The following CCN4 variants were observed in gnomAD, a reference collection of about 807,000 sequenced individuals.
CCN4 encodes the protein CCN family member 4.
Under a neutral mutation model 36.7 loss-of-function variants are expected in CCN4, and 30 were observed. The ratio of observed to expected loss-of-function variants is 0.82; its 90% CI spans 0.61 to 1.11. The LOEUF is 1.11. CCN4 is among the 50% of genes least tolerant of loss of function. The pLI, the probability that CCN4 is intolerant of heterozygous loss-of-function variation, is 0.00. For missense variants in CCN4, 505 were observed against 504.9 expected (o/e 1.00, Z 0.00); for synonymous variants, 191 against 195.4 (o/e 0.98, Z 0.19).
chr8:133,222,133 A>AGGAT (rs1052083578), intron 3 of CCN4, among the ~76,000 whole-genome samples: 1 of 151,176 alleles, frequency 6.6e-6, no homozygotes, highest in Admixed American at 6.6e-5. Context: ...GGATGGATGG[A>AGGAT]GGATGGATGG....
At position 133,225,488 on chromosome 8, in the gene CCN4, C is replaced by T. The variant is rs781544299; in HGVS notation, c.709C>T (p.Arg237Trp). The T allele has an allele frequency of 3.3e-5, 54 of 1,613,968 alleles. No individual in the cohort carries two copies. Among genetic ancestry groups the T allele is most frequent in the Non-Finnish European group, 4.4e-5 (52 of 1,179,994 alleles). ...STSCGLGVST[R>W]ISNVNAQCWP... ...CAGCTGCGGCCTGGGGGTCTCCACT[C>T]GGATCTCCAATGTTAACGCCCAGTG... The change falls in exon 4 of 5, where the codon CGG becomes TGG. Residue 237 changes from arginine (R) to tryptophan (W), a missense_variant. Arg to Trp is a moderately radical substitution (Grantham distance 101, BLOSUM62 -3). Transcript: ENST00000250160.
At chr8:133,210,997 G>C (rs1008118481) in intron 1 of CCN4, among the ~76,000 whole-genome samples, 6 of 152,226 alleles carry the variant, frequency 3.9e-5, no homozygotes, top group African/African-American at 1.4e-4. Flanking sequence ...AAAGCTTCAA[G>C]TCGGGTTTTG....
At chr8:133,204,311 C>T (rs1377199114) in intron 1 of CCN4, among the ~76,000 whole-genome samples, 1 of 152,170 alleles carries the variant, frequency 6.6e-6, no homozygotes, top group Admixed American at 6.5e-5. Context: ...GTATGTTCTG[C>T]AGGTCTGCGT....
chr8:133,195,177 TTG>T (rs1853330866), intron 1 of CCN4, among the ~76,000 whole-genome samples: 1 of 141,112 alleles, frequency 7.1e-6, no homozygotes, highest in African/African-American at 2.7e-5. Context: ...TGTGGTGTGT[TTG>T]TGTATGTGGT....
intron 1 of CCN4, among the ~76,000 whole-genome samples, chr8:133,205,876 T>C (rs1853754391): frequency 6.6e-6 from 1 of 152,134 alleles, no homozygotes; most frequent in Admixed American, 6.5e-5. Flanking sequence ...TAATTACCTC[T>C]CTCTCCCAAA....
chr8:133,197,792 A>G (rs536103070), intron 1 of CCN4, among the ~76,000 whole-genome samples: 4 of 152,242 alleles, frequency 2.6e-5, no homozygotes, highest in Admixed American at 6.5e-5. Context: ...CCCAGGCCCA[A>G]AGGAAAGGAA....
chr8:133,207,372 T>C (rs2130560089), intron 1 of CCN4, among the ~76,000 whole-genome samples: 1 of 152,334 alleles, frequency 6.6e-6, no homozygotes, highest in East Asian at 1.9e-4. Context: ...CACATGGGGA[T>C]CCAGCTATGT....
intron 1 of CCN4, among the ~76,000 whole-genome samples, chr8:133,197,996 G>C (rs559375064): frequency 6.6e-6 from 1 of 152,296 alleles, no homozygotes; most frequent in South Asian, 2.1e-4. Flanking sequence ...TGCCTAGAGA[G>C]CTAGAAGACC....
intron 1 of CCN4, among the ~76,000 whole-genome samples, chr8:133,207,931 C>T (rs964276462): frequency 6.6e-6 from 1 of 151,470 alleles, no homozygotes; most frequent in Non-Finnish European, 1.5e-5. Context: ...ACTGCCAGCC[C>T]AAATAATTGT....
rs746182372 is a variant in CCN4 at position 133,220,590 on chromosome 8, G to C, written c.359G>C (p.Gly120Ala). Reference protein sequence around the residue: ...YAIGVCAQVVGVGCVLDGVRY... With the variant: ...YAIGVCAQVVAVGCVLDGVRY... ...CCACCTGTGTTTGCAGAGGTGGTCG[G>C]TGTGGGCTGCGTCCTGGATGGGGTG... Residue 120 changes from glycine (G) to alanine (A), a missense_variant, in exon 3 of 5, where the codon GGT becomes GCT. Gly to Ala is a moderately conservative substitution (Grantham distance 60). Coordinates refer to ENST00000250160, the MANE Select transcript of CCN4 (RefSeq NM_003882.4). 2 of 1,612,836 alleles carry C rather than the reference G, an allele frequency of 1.2e-6. No homozygotes were observed. The highest frequency in any genetic ancestry group is 1.6e-4 in the Middle Eastern group (1 of 6,080).
At chr8:133,204,353 C>T (rs1039396931) in intron 1 of CCN4, among the ~76,000 whole-genome samples, 32 of 152,070 alleles carry the variant, frequency 2.1e-4, no homozygotes, top group Non-Finnish European at 1.0e-4. Flanking sequence ...TTAGCAGTGT[C>T]GGTGGGTAAT....
rs1315716942 is a variant in CCN4, at chr8:133,229,890, C to T, written c.*2180C>T. The T allele has an allele frequency of 6.6e-6, 1 of 152,194 alleles. No individual in the cohort carries two copies. The highest frequency in any genetic ancestry group is 1.9e-4 in the East Asian group (1 of 5,204). 9.4% of individuals were successfully genotyped at this position (152,194 alleles called of 1,614,324 possible). On this transcript the variant is annotated 3_prime_UTR_variant, in exon 5 of 5. Coordinates refer to ENST00000250160, the MANE Select transcript of CCN4 (RefSeq NM_003882.4). ...AGAATTCTTGTATAAAGAGAATTCACTCCATGAATGATCTCTTCTGTAAGT... is the reference window on the plus strand; with the variant it reads ...AGAATTCTTGTATAAAGAGAATTCATTCCATGAATGATCTCTTCTGTAAGT...
intron 1 of CCN4, among the ~76,000 whole-genome samples, 163 bp downstream of exon 1, chr8:133,191,376 G>T (rs887838491): frequency 3.3e-5 from 5 of 152,198 alleles, no homozygotes; most frequent in African/African-American, 1.2e-4. Context: ...GGAGTCAGCT[G>T]CCCAGGTTGG....
At chr8:133,194,375 T>G (rs1342589553) in intron 1 of CCN4, among the ~76,000 whole-genome samples, 10 of 48,926 alleles carry the variant, frequency 2.0e-4, no homozygotes, top group Admixed American at 2.9e-4. Flanking sequence ...GGTGTGTGTG[T>G]GGGGTGTGTG....
chr8:133,202,192 G>T (rs1853611169), intron 1 of CCN4, among the ~76,000 whole-genome samples: 1 of 152,214 alleles, frequency 6.6e-6, no homozygotes, highest in Admixed American at 6.5e-5. Flanking sequence ...GAAAATGGGA[G>T]AAAACCAAAA....
intron 3 of CCN4, among the ~76,000 whole-genome samples, chr8:133,224,224 AAG>A (rs1204323555): frequency 1.5e-5 from 1 of 68,868 alleles, no homozygotes; most frequent in Non-Finnish European, 2.7e-5. Flanking sequence ...TGAAGCCCGT[AAG>A]TCCTTTTTTT....
intron 1 of CCN4, among the ~76,000 whole-genome samples, chr8:133,207,007 A>G (rs1291856953): frequency 6.6e-6 from 1 of 152,164 alleles, no homozygotes. Context: ...GGGGGAAACT[A>G]TGGCTTCACT....
chr8:133,208,448 A>G (rs2929946), intron 1 of CCN4, among the ~76,000 whole-genome samples: 91,521 of 152,018 alleles, frequency 0.6, 28,011 homozygotes, highest in East Asian at 0.94. Context: ...TAACCCTGCC[A>G]TCCTCCTGCT....
Position 133,228,692 on chromosome 8 carries a change from C to G in CCN4, c.*982C>G, listed in dbSNP as rs953173720. 9 of 152,332 alleles carry G rather than the reference C, an allele frequency of 5.9e-5. No individual in the cohort carries two copies. Among genetic ancestry groups the G allele is most frequent in the African/African-American group, 2.2e-4 (9 of 41,550 alleles). The allele number at this position is 152,332 out of a possible 1,614,324, so 9.4% of individuals were successfully genotyped here. A position where few individuals can be genotyped will look rare whatever the true frequency, so the allele number is the denominator to read the frequency against. On this transcript the variant is annotated 3_prime_UTR_variant, in exon 5 of 5. Transcript: ENST00000250160. ...ACCATGCCAGACCCACTGAAATGAC[C>G]AAGACAGGTTCAGGTAGGGGTGTGG...
Sources: gnomAD v4.1 joint callset for allele counts (sites outside exome capture counted in the v4.1 genomes callset) on GRCh38, gnomAD v4.1.1 for gene constraint, MANE v1.5 for transcripts, NCBI Gene and HGNC (gene_info 2026-07-23, HGNC 2026-07-21) for gene names.